CSMD1: variants seen among roughly 807,000 people sequenced by gnomAD.
The protein encoded by CSMD1 is CUB and Sushi multiple domains 1.
CSMD1 carries 213 observed loss-of-function variants against 417.5 expected under a neutral mutation model. The ratio of observed to expected loss-of-function variants is 0.51; its 90% CI spans 0.46 to 0.57. The LOEUF is 0.57. Among genes scored for constraint, CSMD1 ranks in the 20% least tolerant of loss-of-function variants. The probability of loss-of-function intolerance (pLI) is 0.00; values close to 1 mark genes in which losing one functional copy is unlikely to be tolerated. For missense variants in CSMD1, 6,923 were observed against 4,529.7 expected (o/e 1.53, Z -15.17); for synonymous variants, 2,862 against 1,736.8 (o/e 1.65, Z -16.11).
At chr8:4,122,928 T>C (rs1474563573) in intron 3 of CSMD1, among the ~76,000 whole-genome samples, 1 of 152,206 alleles carries the variant, frequency 6.6e-6, no homozygotes, top group Non-Finnish European at 1.5e-5. Flanking sequence ...CAAATCCACG[T>C]TAAATTCTAG....
intron 1 of CSMD1, among the ~76,000 whole-genome samples, chr8:4,834,016 G>T (rs1295989270): frequency 2.0e-5 from 3 of 152,054 alleles, no homozygotes; most frequent in Admixed American, 6.5e-5. Flanking sequence ...AATAGACCCG[G>T]GATGCAATAT....
intron 26 of CSMD1, among the ~76,000 whole-genome samples, chr8:3,235,909 G>A (rs1280827627): frequency 1.6e-5 from 2 of 128,232 alleles, no homozygotes; most frequent in Non-Finnish European, 1.6e-5. Context: ...GTTATATGAA[G>A]ATGTAAGTTT....
intron 1 of CSMD1, among the ~76,000 whole-genome samples, chr8:4,902,755 C>T (rs886424802): frequency 2.0e-4 from 30 of 152,104 alleles, no homozygotes; most frequent in African/African-American, 7.2e-4. Context: ...CTCCCTCTGG[C>T]CTCTGTAGCT....
At chr8:4,406,613 G>C (rs1805043377) in intron 3 of CSMD1, among the ~76,000 whole-genome samples, 1 of 152,146 alleles carries the variant, frequency 6.6e-6, no homozygotes, top group South Asian at 2.1e-4. Context: ...CAAGGAAAGT[G>C]ACCGGAGGCT....
intron 40 of CSMD1, among the ~76,000 whole-genome samples, chr8:3,142,885 T>C (rs1166884676): frequency 2.6e-5 from 4 of 152,190 alleles, no homozygotes; most frequent in Admixed American, 6.5e-5. Flanking sequence ...TCTTTTTCCA[T>C]GACACTCACG....
chr8:3,761,248 T>A (rs1797980644), intron 5 of CSMD1, among the ~76,000 whole-genome samples: 1 of 152,152 alleles, frequency 6.6e-6, no homozygotes, highest in Admixed American at 6.5e-5. Context: ...GGTCTATGTG[T>A]GTGTGTATAC....
In CSMD1 at chr8:3,406,120, C is replaced by A. The variant is rs750101157; in HGVS notation, c.2173G>T (p.Asp725Tyr). The A allele has an allele frequency of 5.0e-6, 8 of 1,613,808 alleles. No individual in the cohort carries two copies. The highest frequency in any genetic ancestry group is 6.8e-6 in the Non-Finnish European group (8 of 1,179,892). Residue 725 changes from aspartate to tyrosine, a missense_variant, in exon 15 of 70, where the codon GAT becomes TAT. By Grantham distance (160) the Asp-to-Tyr change is radical. Transcript: ENST00000635120. ...GATCCCTGGGTCTTGACAAAGCCATCATCACAGTGGAAAGAAACCGAGCTC... is the reference window on the plus strand; with the variant it reads ...GATCCCTGGGTCTTGACAAAGCCATAATCACAGTGGAAAGAAACCGAGCTC... The part of the protein sequence containing the change: ...LGSSVSFHCD[D>Y]GFVKTQGSES...
chr8:3,733,474 T>C (rs1410697623), intron 6 of CSMD1, among the ~76,000 whole-genome samples: 1 of 151,840 alleles, frequency 6.6e-6, no homozygotes, highest in African/African-American at 2.4e-5. Context: ...ATGTTTTGCT[T>C]TCAACGGTTT....
At chr8:4,154,340 G>A (rs997168058) in intron 3 of CSMD1, among the ~76,000 whole-genome samples, 1 of 152,318 alleles carries the variant, frequency 6.6e-6, no homozygotes, top group East Asian at 1.9e-4. Context: ...TAGTCCAGGA[G>A]TATTCAGTCA....
At chr8:3,688,941 T>C (rs892903866) in intron 7 of CSMD1, among the ~76,000 whole-genome samples, 4 of 152,090 alleles carry the variant, frequency 2.6e-5, no homozygotes, top group Non-Finnish European at 5.9e-5. Flanking sequence ...AATTAAGTAA[T>C]TAAATGAATG....
At chr8:3,342,411 T>C (rs1188091928) in intron 23 of CSMD1, among the ~76,000 whole-genome samples, 1 of 152,204 alleles carries the variant, frequency 6.6e-6, no homozygotes, top group Non-Finnish European at 1.5e-5. Context: ...TGTCATGGTG[T>C]TCAGTATGAT....
intron 3 of CSMD1, among the ~76,000 whole-genome samples, chr8:4,303,185 G>C (rs1330573230): frequency 6.6e-6 from 1 of 152,000 alleles, no homozygotes; most frequent in African/African-American, 2.4e-5. Context: ...AATATTGTGG[G>C]CTTGCAACTG....
chr8:3,216,558 T>C (rs1018863659), intron 29 of CSMD1, among the ~76,000 whole-genome samples: 1 of 152,232 alleles, frequency 6.6e-6, no homozygotes. Flanking sequence ...GCCACTAATT[T>C]TGATTTCTGA....
intron 33 of CSMD1, among the ~76,000 whole-genome samples, chr8:3,198,929 C>T (rs1042929358): frequency 1.3e-5 from 2 of 151,890 alleles, no homozygotes; most frequent in Admixed American, 1.3e-4. Context: ...TAAAATATTG[C>T]TTTTTATTTT....
chr8:4,979,770 G>C (rs1033573087), intron 1 of CSMD1, among the ~76,000 whole-genome samples: 1 of 152,204 alleles, frequency 6.6e-6, no homozygotes, highest in African/African-American at 2.4e-5. Flanking sequence ...ACGCGTGGTG[G>C]CTCACGCCTG....
Position 3,320,506 on chromosome 8 carries a change from G to A in CSMD1, c.3632-12003C>T, listed in dbSNP as rs150473843. Among the ~76,000 whole-genome samples the A allele has an allele frequency of 7.2e-5, 11 of 152,292 alleles. No individual in the cohort carries two copies. In the East Asian group the frequency reaches 2.1e-3, roughly 29 times the overall value. On this transcript the variant is annotated intron_variant, in intron 23 of 69. Transcript: ENST00000635120. Reference sequence around the variant, plus strand: ...TACCTGAATTTGTTGCTGCTGTTATGACTCATAGGCTGATACTTTTTTTAT... The same window carrying A: ...TACCTGAATTTGTTGCTGCTGTTATAACTCATAGGCTGATACTTTTTTTAT...
chr8:4,448,984 A>G (rs1563185981), intron 2 of CSMD1, among the ~76,000 whole-genome samples: 1 of 152,198 alleles, frequency 6.6e-6, no homozygotes, highest in Non-Finnish European at 1.5e-5. Context: ...GTACAAATGG[A>G]TAGTAGTCAG....
chr8:3,271,342 G>C (rs563681728), intron 26 of CSMD1, among the ~76,000 whole-genome samples: 1 of 151,698 alleles, frequency 6.6e-6, no homozygotes, highest in African/African-American at 2.4e-5. Flanking sequence ...TGGACATTTG[G>C]GTTGGTTCCA....
At chr8:3,997,121 A>T (rs886587529) in intron 5 of CSMD1, among the ~76,000 whole-genome samples, 1 of 152,248 alleles carries the variant, frequency 6.6e-6, no homozygotes. Flanking sequence ...AAGCAGTTTT[A>T]AAGTGTTCAG....
Sources: gnomAD v4.1 joint callset for allele counts (sites outside exome capture counted in the v4.1 genomes callset) on GRCh38, gnomAD v4.1.1 for gene constraint, MANE v1.5 for transcripts, NCBI Gene and HGNC (gene_info 2026-07-23, HGNC 2026-07-21) for gene names.